Variants in PTPRD observed in about 807,000 individuals in gnomAD.
The protein encoded by PTPRD is protein tyrosine phosphatase receptor type D.
PTPRD carries 34 observed loss-of-function variants against 214.5 expected under a neutral mutation model. The ratio of observed to expected loss-of-function variants is 0.16; its 90% CI spans 0.12 to 0.21. The LOEUF is 0.21. Among genes scored for constraint, PTPRD ranks in the 10% least tolerant of loss-of-function variants. The probability of loss-of-function intolerance (pLI) is 1.00; values close to 1 mark genes in which losing one functional copy is unlikely to be tolerated. For missense variants in PTPRD, 2,545 were observed against 2,398.7 expected, an observed-to-expected ratio of 1.06 and a Z score of -1.27; for synonymous variants, 1,128 against 845.7, an observed-to-expected ratio of 1.33 and a Z score of -5.79.
At chr9:9,758,069 T>A (rs1482689292) in intron 6 of PTPRD, among the ~76,000 whole-genome samples, 1 of 151,400 alleles carries the variant, frequency 6.6e-6, no homozygotes, top group Non-Finnish European at 1.5e-5. Flanking sequence ...ATAATACTGA[T>A]TGGGTGTATT....
At chr9:9,089,578 G>C (rs1384848780) in intron 10 of PTPRD, among the ~76,000 whole-genome samples, 1 of 152,118 alleles carries the variant, frequency 6.6e-6, no homozygotes, top group Non-Finnish European at 1.5e-5. Flanking sequence ...ATTCCATGTA[G>C]CAAAACTATC....
intron 6 of PTPRD, among the ~76,000 whole-genome samples, chr9:9,760,686 T>G (rs1415917612): frequency 6.7e-6 from 1 of 149,796 alleles, no homozygotes; most frequent in African/African-American, 2.5e-5. Context: ...TGTTCATACG[T>G]GTACTCAAAA....
chr9:9,950,347 T>G (rs2093325607), intron 4 of PTPRD, among the ~76,000 whole-genome samples: 1 of 152,142 alleles, frequency 6.6e-6, no homozygotes, highest in Non-Finnish European at 1.5e-5. Context: ...CTTTGACAAA[T>G]GAGCTAGGGA....
intron 36 of PTPRD, among the ~76,000 whole-genome samples, chr9:8,400,633 G>A (rs145090288): frequency 3.0e-4 from 46 of 152,236 alleles, no homozygotes; most frequent in South Asian, 4.1e-4. Flanking sequence ...ATCCTGCACC[G>A]GTAGGAAAGT....
chr9:8,722,410 T>C (rs754910649), intron 12 of PTPRD, among the ~76,000 whole-genome samples: 1 of 152,190 alleles, frequency 6.6e-6, no homozygotes. Flanking sequence ...ATTTAAGTTA[T>C]GGTTTAATAA....
chr9:10,033,987 G>C (rs1270719447), intron 3 of PTPRD, among the ~76,000 whole-genome samples, 197 bp from the exon 4 acceptor site: 1 of 152,010 alleles, frequency 6.6e-6, no homozygotes, highest in South Asian at 2.1e-4. Context: ...AAGTATTGTA[G>C]CCTATAATAT....
At chr9:10,074,644 C>A (rs915238319) in intron 3 of PTPRD, among the ~76,000 whole-genome samples, 5 of 152,188 alleles carry the variant, frequency 3.3e-5, no homozygotes, top group African/African-American at 9.6e-5. Flanking sequence ...TTAATGTCAC[C>A]AGTTTTTGAG....
chr9:8,434,323 G>T (rs2132373973), intron 35 of PTPRD, among the ~76,000 whole-genome samples: 1 of 152,172 alleles, frequency 6.6e-6, no homozygotes, highest in East Asian at 1.9e-4. Context: ...CCTTTTCTTT[G>T]TTTAAACACA....
intron 8 of PTPRD, among the ~76,000 whole-genome samples, chr9:9,509,141 G>C (rs1195974956): frequency 1.3e-5 from 2 of 151,604 alleles, no homozygotes; most frequent in African/African-American, 4.8e-5. Flanking sequence ...AGATTATGGG[G>C]AGCAATACAT....
chr9:9,607,993 G>C (rs1450185417), intron 7 of PTPRD, among the ~76,000 whole-genome samples: 2 of 152,138 alleles, frequency 1.3e-5, no homozygotes, highest in African/African-American at 4.8e-5. Context: ...GAGAGCAATC[G>C]ATGGGTTAAA....
chr9:9,860,114 C>A (rs2062401711), intron 5 of PTPRD, among the ~76,000 whole-genome samples: 2 of 152,150 alleles, frequency 1.3e-5, no homozygotes, highest in African/African-American at 2.4e-5. Context: ...ACAATATCTA[C>A]TATAAAACAA....
intron 8 of PTPRD, among the ~76,000 whole-genome samples, chr9:9,513,144 T>G (rs1174449974): frequency 6.6e-6 from 1 of 151,902 alleles, no homozygotes; most frequent in Non-Finnish European, 1.5e-5. Context: ...TATTTCCTAT[T>G]AAACAGTATC....
intron 9 of PTPRD, among the ~76,000 whole-genome samples, chr9:9,232,546 A>G (rs998962332): frequency 1.3e-5 from 2 of 152,154 alleles, no homozygotes; most frequent in African/African-American, 2.4e-5. Context: ...CTGTTATGAA[A>G]TTTATTCTGG....
At chr9:8,646,017 T>C (rs2096680454) in intron 12 of PTPRD, among the ~76,000 whole-genome samples, 1 of 151,798 alleles carries the variant, frequency 6.6e-6, no homozygotes, top group African/African-American at 2.4e-5. Context: ...ATGGCCATGG[T>C]TCACTCCTAA....
At chr9:8,546,627 T>A (rs565689011) in intron 14 of PTPRD, among the ~76,000 whole-genome samples, 1 of 152,172 alleles carries the variant, frequency 6.6e-6, no homozygotes, top group Admixed American at 6.5e-5. Context: ...GTCTCCCCAG[T>A]AGATGGGATT....
intron 11 of PTPRD, among the ~76,000 whole-genome samples, chr9:8,964,062 A>T (rs775022935): frequency 3.3e-5 from 5 of 152,000 alleles, no homozygotes; most frequent in Non-Finnish European, 7.4e-5. Flanking sequence ...TGCTGGCTTC[A>T]TAGAATGAGT....
chr9:10,468,924 A>G (rs559246290), intron 2 of PTPRD, among the ~76,000 whole-genome samples: 20 of 152,326 alleles, frequency 1.3e-4, no homozygotes, highest in African/African-American at 4.6e-4. Flanking sequence ...CCCATTTGAC[A>G]AAAGTCAATA....
At position 8,529,222 on chromosome 9, in the gene PTPRD, G is replaced by A. The variant is rs547244817; in HGVS notation, c.353-443C>T. ...GCATTGAGGTAGGAAAGGTTTTGCC[G>A]AGAGAGAAGCATGGAAGCCAACAGT... On this transcript the variant is annotated intron_variant, in intron 14 of 45. Transcript: ENST00000381196. 5.7e-4 allele frequency among the ~76,000 whole-genome samples: 87 copies of A among 152,164 alleles called. 1 individual carries two copies. Among genetic ancestry groups the A allele is most frequent in the South Asian group, 1.9e-3 (9 of 4,820 alleles).
At chr9:8,439,601 T>A (rs2095474369) in intron 34 of PTPRD, among the ~76,000 whole-genome samples, 1 of 152,226 alleles carries the variant, frequency 6.6e-6, no homozygotes, top group African/African-American at 2.4e-5. Context: ...AAAGACCGAA[T>A]GTCGGCATAA....
Sources: allele counts gnomAD v4.1 joint callset (sites outside exome capture counted in the v4.1 genomes callset), GRCh38; gene constraint gnomAD v4.1.1; transcripts MANE v1.5; gene names NCBI Gene and HGNC (gene_info 2026-07-23, HGNC 2026-07-21).